Variants in GPC1 observed in about 807,000 individuals in gnomAD.
GPC1 encodes the protein glypican-1.
GPC1 carries 26 observed loss-of-function variants against 51.5 expected under a neutral mutation model. That is an observed-to-expected ratio of 0.50 (90% CI 0.37 to 0.70). GPC1 has a LOEUF of 0.70. Ranked by LOEUF, GPC1 falls within the 30% of genes least tolerant of loss-of-function variation. GPC1 has a pLI of 0.00. For synonymous variants in GPC1, 380 were observed against 348.3 expected (o/e 1.09, Z -1.01); for missense variants, 775 against 800.5 (o/e 0.97, Z 0.38).
chr2:240,463,838 T>G, intron 4 of GPC1: 1 of 379,956 alleles, frequency 2.6e-6, no homozygotes, highest in Non-Finnish European at 4.8e-6. Context: ...TTGTTTAAGC[T>G]AACACATACA....
intron 1 of GPC1, chr2:240,457,546 G>T (rs959330992): frequency 4.4e-6 from 2 of 452,670 alleles, no homozygotes. Context: ...GGCCTGAGGG[G>T]TGACTTCTCT....
At chr2:240,439,600 C>A (rs1255598679) in intron 1 of GPC1, among the ~76,000 whole-genome samples, 1 of 152,210 alleles carries the variant, frequency 6.6e-6, no homozygotes, top group African/African-American at 2.4e-5. Flanking sequence ...GGTTGGCACA[C>A]AGACTCTGGG....
chr2:240,444,934 T>A (rs1037313699), intron 1 of GPC1, among the ~76,000 whole-genome samples: 1 of 152,180 alleles, frequency 6.6e-6, no homozygotes, highest in South Asian at 2.1e-4. Flanking sequence ...TGTGACCATC[T>A]ACCAGGCCCT....
rs145139315 is a variant in GPC1, at chr2:240,465,644, C to T, written c.1440C>T (p.Asp480=). The stretch of plus-strand genomic sequence containing the variant: ...ACGGCAACGACGTGGACTTCCAGGA[C>T]GCCAGTGAGGGCAGGGCCTGGCCGG... ...AYNGNDVDFQ[D]ASDDGSGSGS... Residue 480 remains aspartate (D), a synonymous_variant, in exon 8 of 9, where the codon GAC becomes GAT. Coordinates refer to ENST00000264039, the MANE Select transcript of GPC1 (RefSeq NM_002081.3). 107 of 1,612,462 alleles carry T rather than the reference C, an allele frequency of 6.6e-5. No homozygotes were observed. Among genetic ancestry groups the T allele is most frequent in the Non-Finnish European group, 8.6e-5 (102 of 1,179,816 alleles).
At chr2:240,458,987 T>G (rs1367903758) in intron 1 of GPC1, 43 bp from the exon 2 acceptor site, 11 of 1,592,090 alleles carry the variant, frequency 6.9e-6, no homozygotes, top group Non-Finnish European at 9.4e-6. Context: ...TGGCTCCCAG[T>G]GCTGTCCCAG....
At position 240,462,343 on chromosome 2, in the gene GPC1, G is replaced by A. The variant is rs373543083; in HGVS notation, c.478G>A (p.Glu160Lys). 6.2e-7 allele frequency: 1 copy of A among 1,601,474 alleles called. No individual in the cohort carries two copies. Among genetic ancestry groups the A allele is most frequent in the African/African-American group, 1.3e-5 (1 of 74,702 alleles). ...CTACCGCGGTGCCAACCTGCACCTG[G>A]AGGAGACGCTGGCCGAGTTCTGGGC... is the stretch of plus-strand genomic sequence containing the variant. The part of the protein sequence containing the change: ...LYYRGANLHL[E>K]ETLAEFWARL... Residue 160 changes from glutamate (E) to lysine (K), a missense_variant, in exon 3 of 9, where the codon GAG becomes AAG. Physicochemically the swap from Glu to Lys is moderately conservative, Grantham distance 56 (BLOSUM62 1). Transcript: ENST00000264039.
intron 2 of GPC1, among the ~76,000 whole-genome samples, chr2:240,460,559 G>A (rs1425326383): frequency 5.3e-5 from 8 of 152,130 alleles, no homozygotes; most frequent in African/African-American, 1.9e-4. Context: ...CTGCCCGCCT[G>A]CTTCCTCCTG....
At chr2:240,436,191 T>TGCGCCCCGCCGCCC in intron 1 of GPC1, 107 bp downstream of exon 1, 1 of 742,914 alleles carries the variant, frequency 1.3e-6, no homozygotes, top group Non-Finnish European at 1.8e-6. Flanking sequence ...TCCTGCCGCC[T>TGCGCCCCGCCGCCC]GCGCCCCGCC....
In GPC1 at chr2:240,466,518, CA is replaced by C. The variant is rs1406694621; in HGVS notation, c.*232del. 6 of 554,756 alleles carry C rather than the reference CA, an allele frequency of 1.1e-5. No individual in the cohort carries two copies. The highest frequency in any genetic ancestry group is 1.9e-5 in the Non-Finnish European group (6 of 313,046). The allele number at this position is 554,756 out of a possible 1,614,324, so 34.4% of individuals were successfully genotyped here. A position where few individuals can be genotyped will look rare whatever the true frequency, so the allele number is the denominator to read the frequency against. On this transcript the variant is annotated 3_prime_UTR_variant, in exon 9 of 9. Coordinates refer to ENST00000264039, the MANE Select transcript of GPC1 (RefSeq NM_002081.3). ...CAGGTCAGCTGGGAGCCAGTGTGCC[CA>C]AAAGCCATGTATTTCAGGGACCTCA...
chr2:240,453,806 C>A (rs1036872955), intron 1 of GPC1, among the ~76,000 whole-genome samples: 1 of 151,988 alleles, frequency 6.6e-6, no homozygotes, highest in African/African-American at 2.4e-5. Flanking sequence ...CATCGGGGCG[C>A]CCGGGACCCC....
intron 1 of GPC1, among the ~76,000 whole-genome samples, chr2:240,443,327 G>A (rs985774210): frequency 6.6e-6 from 1 of 152,252 alleles, no homozygotes; most frequent in Non-Finnish European, 1.5e-5. Flanking sequence ...CAGTGGGACT[G>A]CAGGGCGAGG....
rs1438690836 is a variant in GPC1, at chr2:240,435,886, G to C, written c.-33G>C. ...CCCGGCCAGGATCCGAGAGAGGCGC[G>C]GGCGGGTGGCCGGGGGCGCCGCCGG... On this transcript the variant is annotated 5_prime_UTR_variant, in exon 1 of 9. Transcript: ENST00000264039. 2 of 1,210,896 alleles carry C rather than the reference G, an allele frequency of 1.7e-6. No individual in the cohort carries two copies. Among genetic ancestry groups the C allele is most frequent in the Non-Finnish European group, 2.1e-6 (2 of 970,238 alleles). 75.0% of individuals were successfully genotyped at this position (1,210,896 alleles called of 1,614,324 possible).
intron 2 of GPC1, among the ~76,000 whole-genome samples, chr2:240,459,865 C>T (rs893244406): frequency 2.0e-5 from 3 of 152,178 alleles, no homozygotes; most frequent in East Asian, 1.9e-4. Flanking sequence ...CATGAAGTGA[C>T]CTCTGATCAG....
At position 240,467,387 on chromosome 2, in the gene GPC1, T is replaced by A. The variant is rs1057045884; in HGVS notation, c.*1097T>A. 6.6e-6 allele frequency: 1 copy of A among 152,290 alleles called. No homozygotes were observed. Among genetic ancestry groups the A allele is most frequent in the South Asian group, 2.1e-4 (1 of 4,830 alleles). 9.4% of individuals were successfully genotyped at this position (152,290 alleles called of 1,614,324 possible). ...CATGCATCCATTTACTGACACTTCC[T>A]GTCCTTGTTCATGGAGAGCTGTTCG... On this transcript the variant is annotated 3_prime_UTR_variant, in exon 9 of 9. Transcript: ENST00000264039.
intron 2 of GPC1, among the ~76,000 whole-genome samples, chr2:240,460,040 G>A (rs1213324127): frequency 6.6e-6 from 1 of 152,090 alleles, no homozygotes; most frequent in East Asian, 1.9e-4. Context: ...TGCTGCTGGG[G>A]CCCTGGGGTT....
chr2:240,443,132 C>T (rs1272088413), intron 1 of GPC1, among the ~76,000 whole-genome samples: 1 of 152,278 alleles, frequency 6.6e-6, no homozygotes, highest in African/African-American at 2.4e-5. Flanking sequence ...ATGCCGCCGC[C>T]TGTGCCGTCA....
Position 240,466,256 on chromosome 2 carries a change from T to C in GPC1, c.1643T>C (p.Leu548Pro). 6.2e-7 allele frequency: 1 copy of C among 1,609,700 alleles called. No individual in the cohort carries two copies. Among genetic ancestry groups the C allele is most frequent in the Non-Finnish European group, 8.5e-7 (1 of 1,176,696 alleles). The change falls in exon 9 of 9, where the codon CTG (leucine) becomes CCG (proline). Residue 548 changes from leucine to proline, a missense_variant. Leu to Pro is a moderately conservative substitution (Grantham distance 98, BLOSUM62 -3). Transcript: ENST00000264039. ...PTFLLPLLLF[L>P]ALTVARPRWR is the part of the protein sequence containing the mutation. ...TTCCTCCTGCCCCTCCTCCTCTTCC[T>C]GGCCCTTACAGTAGCCAGGCCCCGG...
At chr2:240,461,181 C>T (rs1480711506) in intron 2 of GPC1, among the ~76,000 whole-genome samples, 1 of 152,188 alleles carries the variant, frequency 6.6e-6, no homozygotes, top group Non-Finnish European at 1.5e-5. Flanking sequence ...GCTGTGTGGC[C>T]CGTCCACCCT....
rs1163615668 is a variant in GPC1 at position 240,466,706 on chromosome 2, ACCAGCCAGCCCTGGCCCACCCC to A, written c.*423_*444del. ...CCCACTGGGACTCCCAGCAGAGCCC[ACCAGCCAGCCCTGGCCCACCCC>A]CCAGCCTCCAGAGAAGCCCCGCACG... is the stretch of plus-strand genomic sequence containing the variant. On this transcript the variant is annotated 3_prime_UTR_variant, in exon 9 of 9. Transcript: ENST00000264039. 3 of 175,688 alleles carry A rather than the reference ACCAGCCAGCCCTGGCCCACCCC, an allele frequency of 1.7e-5. No individual in the cohort carries two copies. Among genetic ancestry groups the A allele is most frequent in the African/African-American group, 7.1e-5 (3 of 42,178 alleles). The allele number at this position is 175,688 out of a possible 1,614,324, so 10.9% of individuals were successfully genotyped here.
Sources: allele counts gnomAD v4.1 joint callset (sites outside exome capture counted in the v4.1 genomes callset), GRCh38; gene constraint gnomAD v4.1.1; transcripts MANE v1.5; gene names NCBI Gene and HGNC (gene_info 2026-07-23, HGNC 2026-07-21).